Variants in NELL2 observed in about 807,000 individuals in gnomAD.
The protein encoded by NELL2 is protein kinase C-binding protein NELL2.
In NELL2, 41 loss-of-function variants were observed where a neutral mutation model predicts 109.6. The observed-to-expected ratio is 0.37, with a 90% confidence interval of 0.29 to 0.49. The LOEUF is 0.49. Ranked by LOEUF, NELL2 falls within the 20% of genes least tolerant of loss-of-function variation. The probability of loss-of-function intolerance (pLI) is 0.98; values close to 1 mark genes in which losing one functional copy is unlikely to be tolerated. For missense variants in NELL2, 900 were observed against 1,008.3 expected, an observed-to-expected ratio of 0.89 and a Z score of 1.45; for synonymous variants, 355 against 344.7, an observed-to-expected ratio of 1.03 and a Z score of -0.33.
chr12:44,755,462 C>T (rs1314207879), intron 9 of NELL2, among the ~76,000 whole-genome samples: 1 of 151,714 alleles, frequency 6.6e-6, no homozygotes, highest in Non-Finnish European at 1.5e-5. Context: ...GTCACAATGT[C>T]TGCAACATTC....
intron 18 of NELL2, among the ~76,000 whole-genome samples, chr12:44,521,116 A>T (rs1169140763): frequency 1.3e-5 from 2 of 152,352 alleles, no homozygotes; most frequent in South Asian, 4.1e-4. Flanking sequence ...CGTTCAACTG[A>T]AAAAAGACTT....
At chr12:44,613,672 A>G (rs1203467372) in intron 13 of NELL2, among the ~76,000 whole-genome samples, 1 of 151,834 alleles carries the variant, frequency 6.6e-6, no homozygotes, top group Non-Finnish European at 1.5e-5. Context: ...TTATGAACTA[A>G]TGTAAACTGT....
intron 9 of NELL2, among the ~76,000 whole-genome samples, chr12:44,731,302 A>C (rs1939357175): frequency 6.6e-6 from 1 of 152,156 alleles, no homozygotes; most frequent in African/African-American, 2.4e-5. Context: ...GGAAAAGAGT[A>C]CTACAAGCCA....
At chr12:44,815,459 A>G (rs1397466319) in intron 3 of NELL2, among the ~76,000 whole-genome samples, 2 of 152,240 alleles carry the variant, frequency 1.3e-5, no homozygotes, top group Non-Finnish European at 2.9e-5. Context: ...ATTGAGAAAT[A>G]TACCTCTTGA....
intron 10 of NELL2, among the ~76,000 whole-genome samples, chr12:44,712,604 A>G (rs1428713743): frequency 6.6e-6 from 1 of 151,964 alleles, no homozygotes; most frequent in Non-Finnish European, 1.5e-5. Context: ...CAACACAGTA[A>G]ATACAGGAGC....
chr12:44,585,881 G>C (rs1042748419), intron 15 of NELL2, among the ~76,000 whole-genome samples: 2 of 151,088 alleles, frequency 1.3e-5, no homozygotes, highest in Non-Finnish European at 2.9e-5. Context: ...GAATTATTGG[G>C]CTCCAGGTAA....
At chr12:44,898,156 G>A (rs1945616548) in intron 1 of NELL2, among the ~76,000 whole-genome samples, 1 of 152,174 alleles carries the variant, frequency 6.6e-6, no homozygotes, top group African/African-American at 2.4e-5. Flanking sequence ...AGAGCACCTG[G>A]GAGAAGGGGT....
upstream of NELL2, among the ~76,000 whole-genome samples, chr12:44,880,142 G>C (rs10880700): frequency 0.52 from 54,246 of 103,422 alleles, 11,469 homozygotes; most frequent in African/African-American, 0.66. Flanking sequence ...CACACACACA[G>C]AGAGAGAGAG....
chr12:44,786,013 GCA>G (rs60753735), intron 3 of NELL2, among the ~76,000 whole-genome samples: 35,857 of 151,848 alleles, frequency 0.24, 4,478 homozygotes, highest in South Asian at 0.3. Flanking sequence ...GGCAACAAAA[GCA>G]CAGTTGACAA....
chr12:44,811,640 TC>T (rs1943184067), intron 3 of NELL2, among the ~76,000 whole-genome samples: 1 of 151,992 alleles, frequency 6.6e-6, no homozygotes, highest in East Asian at 1.9e-4. Context: ...ATTCCCACAG[TC>T]TCCATCAGTT....
chr12:44,831,802 G>A (rs897805403), intron 2 of NELL2, among the ~76,000 whole-genome samples: 2 of 152,160 alleles, frequency 1.3e-5, no homozygotes, highest in African/African-American at 2.4e-5. Context: ...AACTGTGTCC[G>A]TGAGTAATTT....
intron 9 of NELL2, among the ~76,000 whole-genome samples, chr12:44,734,097 C>T (rs1025796461): frequency 6.6e-6 from 1 of 151,942 alleles, no homozygotes; most frequent in Admixed American, 6.6e-5. Flanking sequence ...ATTACTACAA[C>T]TTTACTCTAT....
intron 3 of NELL2, among the ~76,000 whole-genome samples, chr12:44,795,806 G>A (rs141523019): frequency 6.6e-6 from 1 of 152,080 alleles, no homozygotes; most frequent in Non-Finnish European, 1.5e-5. Flanking sequence ...ATAGAAAATT[G>A]GCTGTTTCAT....
intron 13 of NELL2, among the ~76,000 whole-genome samples, chr12:44,622,963 G>C (rs4768066): frequency 0.59 from 89,118 of 151,944 alleles, 26,775 homozygotes; most frequent in East Asian, 0.73. Flanking sequence ...CTTTTGTGCA[G>C]TTTTATTTCA....
chr12:44,735,416 G>C (rs1402204413), intron 9 of NELL2, among the ~76,000 whole-genome samples: 1 of 152,128 alleles, frequency 6.6e-6, no homozygotes, highest in Non-Finnish European at 1.5e-5. Flanking sequence ...TGAAATCCAA[G>C]GCTTGAGTCT....
intron 15 of NELL2, among the ~76,000 whole-genome samples, chr12:44,536,681 A>C (rs1942305336): frequency 6.6e-6 from 1 of 152,040 alleles, no homozygotes; most frequent in Non-Finnish European, 1.5e-5. Context: ...TATATAAAAA[A>C]CTAAGAGTAA....
chr12:44,742,031 T>C (rs1315878034), intron 9 of NELL2, among the ~76,000 whole-genome samples: 1 of 151,930 alleles, frequency 6.6e-6, no homozygotes, highest in Non-Finnish European at 1.5e-5. Flanking sequence ...GTCCCTGACC[T>C]CCAAGTAGCC....
chr12:44,666,890 T>C (rs2136342058), intron 12 of NELL2, among the ~76,000 whole-genome samples: 1 of 152,324 alleles, frequency 6.6e-6, no homozygotes, highest in East Asian at 1.9e-4. Flanking sequence ...ACCTGCTCTT[T>C]CTTACCTATC....
chr12:44,902,156 C>A (rs956190610), intron 1 of NELL2, among the ~76,000 whole-genome samples: 1 of 152,130 alleles, frequency 6.6e-6, no homozygotes, highest in Non-Finnish European at 1.5e-5. Context: ...AAAACCCCAT[C>A]GTCTCAGCCC....
Sources: gnomAD v4.1 joint callset for allele counts (sites outside exome capture counted in the v4.1 genomes callset) on GRCh38, gnomAD v4.1.1 for gene constraint, MANE v1.5 for transcripts, NCBI Gene and HGNC (gene_info 2026-07-23, HGNC 2026-07-21) for gene names.